The following ANO10 variants were observed in gnomAD, a reference collection of about 807,000 sequenced individuals.
ANO10 encodes the protein anoctamin 10.
Under a neutral mutation model 74.7 loss-of-function variants are expected in ANO10, and 77 were observed. The ratio of observed to expected loss-of-function variants is 1.03; its 90% CI spans 0.86 to 1.25. The LOEUF (loss-of-function observed/expected upper bound fraction) is 1.25, where lower values mean the gene tolerates loss of function less well. ANO10 is among the 50% of genes most tolerant of loss of function. ANO10 has a pLI of 0.00. For missense variants in ANO10, 721 were observed against 778.1 expected (o/e 0.93, Z 0.87); for synonymous variants, 279 against 284.9 (o/e 0.98, Z 0.21).
Position 43,386,644 on chromosome 3 carries a change from T to C in ANO10, c.1915-19670A>G, listed in dbSNP as rs868393144. ...GCTTTTTGAAAGTTGTGTGTAGGTG[T>C]GTACGTGTGTGTGTGTGTGTGTGTG... On this transcript the variant is annotated intron_variant, in intron 12 of 12. Transcript: ENST00000292246. Among the ~76,000 whole-genome samples the C allele has an allele frequency of 9.6e-5, 13 of 134,742 alleles. No homozygotes were observed. The South Asian group carries it at 9.8e-4, about 10-fold the overall frequency. 88.4% of individuals were successfully genotyped at this position (134,742 alleles called of 152,430 possible).
chr3:43,644,472 C>A (rs1366022038), intron 1 of ANO10, among the ~76,000 whole-genome samples: 1 of 152,158 alleles, frequency 6.6e-6, no homozygotes, highest in Non-Finnish European at 1.5e-5. Context: ...CTCCCTGGAA[C>A]AGAGAGGAAC....
chr3:43,565,846 T>C (rs940625159), intron 7 of ANO10, 119 bp from the exon 8 acceptor site: 3 of 1,022,646 alleles, frequency 2.9e-6, no homozygotes, highest in Admixed American at 2.2e-5. Context: ...GAGGGCCGAA[T>C]AGGAACAGCT....
rs2079372792 is a variant in ANO10 at position 43,549,786 on chromosome 3, T to C, written c.1731A>G (p.Ser577=). 1 of 1,613,946 alleles carries C rather than the reference T, an allele frequency of 6.2e-7. No homozygotes were observed. ...VVTNCALIGM[S]PQVNAVFPES... is the part of the protein sequence containing the mutation. ...CTGGAAAGACTGCATTCACTTGTGGTGACATTCCAATCAGCGCACAGTTAG... is the reference window on the plus strand; with the variant it reads ...CTGGAAAGACTGCATTCACTTGTGGCGACATTCCAATCAGCGCACAGTTAG... The change falls in exon 11 of 13, where the codon TCA becomes TCG. Residue 577 remains serine, a synonymous_variant. Transcript: ENST00000292246.
At chr3:43,680,797 T>C (rs1559399646) in intron 1 of ANO10, among the ~76,000 whole-genome samples, 1 of 152,114 alleles carries the variant, frequency 6.6e-6, no homozygotes, top group Non-Finnish European at 1.5e-5. Context: ...TAAAAGAATT[T>C]TCAACCCAAT....
upstream of ANO10, among the ~76,000 whole-genome samples, chr3:43,623,640 T>C (rs2083464562): frequency 6.6e-6 from 1 of 152,224 alleles, no homozygotes; most frequent in South Asian, 2.1e-4. Context: ...TGGTCTGTTC[T>C]TTACTCCCCA....
chr3:43,646,897 C>T (rs1422428061), intron 1 of ANO10, among the ~76,000 whole-genome samples: 1 of 152,172 alleles, frequency 6.6e-6, no homozygotes, highest in East Asian at 1.9e-4. Flanking sequence ...CAAACTGTCC[C>T]TTTCAAGTAT....
intron 11 of ANO10, among the ~76,000 whole-genome samples, chr3:43,517,169 A>G (rs993979829): frequency 6.6e-6 from 1 of 152,238 alleles, no homozygotes; most frequent in African/African-American, 2.4e-5. Context: ...GTAAACATTC[A>G]ATGTTTTACA....
At chr3:43,520,449 G>A (rs1332518291) in intron 11 of ANO10, among the ~76,000 whole-genome samples, 1 of 152,128 alleles carries the variant, frequency 6.6e-6, no homozygotes, top group Non-Finnish European at 1.5e-5. Flanking sequence ...ACAGACCACA[G>A]CATGGAGTCC....
At chr3:43,481,917 CTTTTTTTTTCT>C (rs2076283521) in intron 11 of ANO10, among the ~76,000 whole-genome samples, 3 of 136,010 alleles carry the variant, frequency 2.2e-5, no homozygotes, top group Admixed American at 1.8e-4. Context: ...TGTCTTTTTT[CTTTTTTTTTCT>C]TTTTTTTTTT....
chr3:43,526,207 T>G (rs992212494), intron 11 of ANO10, among the ~76,000 whole-genome samples: 2 of 152,220 alleles, frequency 1.3e-5, no homozygotes, highest in Non-Finnish European at 2.9e-5. Flanking sequence ...TAGATTCACT[T>G]TCAGAATTAG....
chr3:43,546,574 T>A (rs983019339), intron 11 of ANO10, among the ~76,000 whole-genome samples: 1 of 151,584 alleles, frequency 6.6e-6, no homozygotes, highest in Admixed American at 6.6e-5. Flanking sequence ...GACATCCACA[T>A]GCAAAAGAAA....
At chr3:43,609,689 T>C (rs1250586693) in intron 1 of ANO10, among the ~76,000 whole-genome samples, 1 of 152,228 alleles carries the variant, frequency 6.6e-6, no homozygotes, top group Admixed American at 6.5e-5. Context: ...TATAGGTTTG[T>C]AGCCTTATTA....
At chr3:43,487,162 T>C (rs2076526390) in intron 11 of ANO10, among the ~76,000 whole-genome samples, 2 of 150,682 alleles carry the variant, frequency 1.3e-5, no homozygotes, top group Admixed American at 1.3e-4. Flanking sequence ...GCCCACTTGA[T>C]CACGGTGGAT....
At chr3:43,577,460 G>C (rs1276719348) in intron 5 of ANO10, among the ~76,000 whole-genome samples, 199 bp from the exon 6 acceptor site, 2 of 152,182 alleles carry the variant, frequency 1.3e-5, no homozygotes, top group Admixed American at 6.5e-5. Context: ...ATTTCCCCCA[G>C]GTTAGGGGCC....
chr3:43,612,155 T>C (rs1222069467), intron 1 of ANO10, among the ~76,000 whole-genome samples: 1 of 116,060 alleles, frequency 8.6e-6, no homozygotes, highest in Non-Finnish European at 1.8e-5. Context: ...TATATATATA[T>C]ATATATATAT....
chr3:43,550,958 C>T (rs952019016), intron 10 of ANO10, among the ~76,000 whole-genome samples: 1 of 152,156 alleles, frequency 6.6e-6, no homozygotes, highest in Admixed American at 6.6e-5. Flanking sequence ...CTTTCCTACT[C>T]CCTTTTCAGC....
intron 11 of ANO10, among the ~76,000 whole-genome samples, chr3:43,466,721 A>G (rs1034530538): frequency 3.9e-5 from 6 of 152,166 alleles, no homozygotes; most frequent in African/African-American, 1.2e-4. Flanking sequence ...GACAAGACAT[A>G]AAAAAGCAAT....
intron 1 of ANO10, among the ~76,000 whole-genome samples, chr3:43,644,776 G>C (rs1374957685): frequency 6.6e-6 from 1 of 152,220 alleles, no homozygotes; most frequent in Admixed American, 6.5e-5. Flanking sequence ...GCTGACTTCT[G>C]ATAGGCCCTT....
intron 12 of ANO10, among the ~76,000 whole-genome samples, chr3:43,392,473 A>C (rs1342226579): frequency 6.6e-6 from 1 of 152,218 alleles, no homozygotes; most frequent in East Asian, 1.9e-4. Flanking sequence ...GAACTGTAGA[A>C]AGCTCTTTTT....
Sources: gnomAD v4.1 joint callset for allele counts (sites outside exome capture counted in the v4.1 genomes callset) on GRCh38, gnomAD v4.1.1 for gene constraint, MANE v1.5 for transcripts, NCBI Gene and HGNC (gene_info 2026-07-23, HGNC 2026-07-21) for gene names.